The following RUNDC3B variants were observed in gnomAD, a reference collection of about 807,000 sequenced individuals.
RUNDC3B encodes RUN domain-containing protein 3B.
RUNDC3B carries 33 observed loss-of-function variants against 58.4 expected under a neutral mutation model. The observed-to-expected ratio is 0.56, with a 90% CI of 0.43 to 0.75. The LOEUF (loss-of-function observed/expected upper bound fraction) is 0.75. Ranked by LOEUF, RUNDC3B falls within the 30% of genes least tolerant of loss-of-function variation. RUNDC3B has a pLI of 0.00. For synonymous variants in RUNDC3B, 193 were observed against 195.2 expected (o/e 0.99, Z 0.10); for missense variants, 501 against 535.7 (o/e 0.94, Z 0.64).
At chr7:87,700,325 A>G in intron 2 of RUNDC3B, 96 bp from the exon 3 acceptor site, 1 of 1,082,302 alleles carries the variant, frequency 9.2e-7, no homozygotes, top group East Asian at 2.6e-5. Context: ...AGTTCACTAT[A>G]TTACCTTTAT....
chr7:87,680,531 G>A (rs1826822560), intron 2 of RUNDC3B, among the ~76,000 whole-genome samples: 1 of 150,760 alleles, frequency 6.6e-6, no homozygotes, highest in South Asian at 2.1e-4. Flanking sequence ...GGTGGCTCAC[G>A]CCTGTAATCC....
In RUNDC3B at chr7:87,682,868, G is replaced by A. The variant is rs79219534; in HGVS notation, c.239-17553G>A. ...CCTGTCCTTTGAAGCGTTAAAGCCA[G>A]GCATTAACTTCTCTTCTTTTACTAT... On this transcript the variant is annotated intron_variant, in intron 2 of 10. Coordinates refer to ENST00000394654, the MANE Select transcript of RUNDC3B (RefSeq NM_001134405.2). Among the ~76,000 whole-genome samples the A allele has an allele frequency of 7.0e-3, 1,068 of 152,282 alleles. 9 individuals are homozygous for A. The highest frequency in any genetic ancestry group is 0.049 in the East Asian group (256 of 5,186).
intron 2 of RUNDC3B, among the ~76,000 whole-genome samples, chr7:87,653,655 A>G (rs890730702): frequency 6.6e-6 from 1 of 152,020 alleles, no homozygotes; most frequent in Non-Finnish European, 1.5e-5. Flanking sequence ...TTTTTCTGCT[A>G]CTTTTTTTTC....
chr7:87,658,932 A>T (rs1824413328), intron 2 of RUNDC3B, among the ~76,000 whole-genome samples: 1 of 152,224 alleles, frequency 6.6e-6, no homozygotes, highest in South Asian at 2.1e-4. Context: ...CAAGCGGATC[A>T]CTTGAGCTCA....
intron 4 of RUNDC3B, among the ~76,000 whole-genome samples, chr7:87,731,167 A>G (rs1831554866): frequency 6.6e-6 from 1 of 152,164 alleles, no homozygotes; most frequent in Admixed American, 6.6e-5. Flanking sequence ...TTCAATGCCA[A>G]GAAAAAAAAA....
chr7:87,636,710 G>GT (rs1821811857), intron 1 of RUNDC3B, among the ~76,000 whole-genome samples: 1 of 152,042 alleles, frequency 6.6e-6, no homozygotes, highest in South Asian at 2.1e-4. Context: ...TCCATCTGTA[G>GT]TTTATTTATG....
intron 6 of RUNDC3B, among the ~76,000 whole-genome samples, chr7:87,767,408 CA>C (rs1834029983): frequency 6.6e-6 from 1 of 152,168 alleles, no homozygotes; most frequent in Admixed American, 6.5e-5. Context: ...CATTTGGCTT[CA>C]TTTCTAGTTG....
intron 8 of RUNDC3B, among the ~76,000 whole-genome samples, chr7:87,800,066 A>G (rs937350033): frequency 2.6e-5 from 4 of 152,162 alleles, no homozygotes; most frequent in East Asian, 1.9e-4. Flanking sequence ...ATCAAAATTA[A>G]AAATTACTTC....
At chr7:87,786,155 A>G (rs1436674101) in intron 8 of RUNDC3B, among the ~76,000 whole-genome samples, 1 of 152,104 alleles carries the variant, frequency 6.6e-6, no homozygotes, top group Non-Finnish European at 1.5e-5. Flanking sequence ...GGCTATATCT[A>G]ATTGGCCATC....
chr7:87,762,380 A>G (rs1833740623), intron 6 of RUNDC3B, among the ~76,000 whole-genome samples: 1 of 151,342 alleles, frequency 6.6e-6, no homozygotes, highest in African/African-American at 2.4e-5. Flanking sequence ...CTTTGTTTAC[A>G]GTTTTTACAT....
At chr7:87,751,005 A>G (rs200465124) in intron 6 of RUNDC3B, among the ~76,000 whole-genome samples, 3 of 152,116 alleles carry the variant, frequency 2.0e-5, no homozygotes, top group Non-Finnish European at 4.4e-5. Flanking sequence ...GGGTTTTTAT[A>G]GTTTTAGGTC....
intron 8 of RUNDC3B, among the ~76,000 whole-genome samples, chr7:87,805,739 T>G (rs1836402740): frequency 6.6e-6 from 1 of 152,188 alleles, no homozygotes; most frequent in African/African-American, 2.4e-5. Flanking sequence ...GCACCTTTGC[T>G]TTTCTCACAT....
chr7:87,678,111 G>A (rs1041535328), intron 2 of RUNDC3B, among the ~76,000 whole-genome samples: 2 of 152,222 alleles, frequency 1.3e-5, no homozygotes, highest in African/African-American at 4.8e-5. Flanking sequence ...TGAAGAAAGA[G>A]CAACAGAAAC....
chr7:87,719,990 C>CAA (rs11363135), intron 4 of RUNDC3B, among the ~76,000 whole-genome samples: 53 of 112,258 alleles, frequency 4.7e-4, no homozygotes, highest in Middle Eastern at 4.5e-3. Context: ...TGACTACATC[C>CAA]AAAAAAAAAA....
chr7:87,707,692 T>TA (rs1554471921), intron 3 of RUNDC3B, among the ~76,000 whole-genome samples: 5 of 151,642 alleles, frequency 3.3e-5, no homozygotes, highest in Admixed American at 2.6e-4. Flanking sequence ...ATAAAATAAA[T>TA]AAATAAAATA....
At chr7:87,669,235 C>A (rs1274580728) in intron 2 of RUNDC3B, among the ~76,000 whole-genome samples, 1 of 151,938 alleles carries the variant, frequency 6.6e-6, no homozygotes, top group South Asian at 2.1e-4. Flanking sequence ...AAGTAATGCC[C>A]TCTTTGTCTT....
chr7:87,806,901 T>G (rs1836466431), intron 8 of RUNDC3B, among the ~76,000 whole-genome samples: 1 of 152,118 alleles, frequency 6.6e-6, no homozygotes, highest in South Asian at 2.1e-4. Context: ...TATTTTATAT[T>G]TTTTTGCAGT....
At chr7:87,653,005 G>GA (rs1365614579) in intron 2 of RUNDC3B, among the ~76,000 whole-genome samples, 1 of 151,912 alleles carries the variant, frequency 6.6e-6, no homozygotes, top group African/African-American at 2.4e-5. Context: ...CACAGTATAG[G>GA]CTGTGCTGAT....
chr7:87,813,719 C>A (rs1014200006), intron 9 of RUNDC3B, among the ~76,000 whole-genome samples: 1 of 152,126 alleles, frequency 6.6e-6, no homozygotes, highest in African/African-American at 2.4e-5. Context: ...GTGGCTCACA[C>A]CTGTAATCCC....
Sources: allele counts gnomAD v4.1 joint callset (sites outside exome capture counted in the v4.1 genomes callset), GRCh38; gene constraint gnomAD v4.1.1; transcripts MANE v1.5; gene names NCBI Gene and HGNC (gene_info 2026-07-23, HGNC 2026-07-21).